FRMD4A: variants seen among roughly 807,000 people sequenced by gnomAD.
FRMD4A encodes the protein FERM domain containing 4A, also known as FERM domain-containing protein 4A.
FRMD4A carries 29 observed loss-of-function variants against 129.1 expected under a neutral mutation model. The ratio of observed to expected loss-of-function variants is 0.22; its 90% CI spans 0.17 to 0.31. The LOEUF is 0.31. Ranked by LOEUF, FRMD4A falls within the 10% of genes least tolerant of loss-of-function variation. The pLI is 1.00. For missense variants in FRMD4A, 1,272 were observed against 1,375.8 expected (o/e 0.92, Z 1.19); for synonymous variants, 634 against 571.6 (o/e 1.11, Z -1.56).
intron 2 of FRMD4A, among the ~76,000 whole-genome samples, chr10:13,915,618 G>C (rs901161720): frequency 3.3e-5 from 5 of 150,884 alleles, no homozygotes; most frequent in African/African-American, 1.2e-4. Context: ...CTTGCAGTGA[G>C]CCGAGATCAC....
chr10:14,141,016 C>A (rs904897157), intron 2 of FRMD4A, among the ~76,000 whole-genome samples: 2 of 152,032 alleles, frequency 1.3e-5, no homozygotes, highest in African/African-American at 4.8e-5. Flanking sequence ...CTAGGGACAC[C>A]ACCCAGGGAG....
chr10:14,289,908 A>T (rs2132073490), intron 2 of FRMD4A, among the ~76,000 whole-genome samples: 1 of 152,210 alleles, frequency 6.6e-6, no homozygotes, highest in East Asian at 1.9e-4. Flanking sequence ...TAAATGCATA[A>T]AGTTGCAAGA....
At chr10:13,778,254 C>T (rs112587462) in intron 6 of FRMD4A, among the ~76,000 whole-genome samples, 12 of 152,164 alleles carry the variant, frequency 7.9e-5, no homozygotes, top group African/African-American at 2.9e-4. Context: ...AAACCTGATA[C>T]TCTTACAATC....
At chr10:13,924,251 G>A (rs7895760) in intron 2 of FRMD4A, among the ~76,000 whole-genome samples, 1,567 of 152,186 alleles carry the variant, frequency 0.01, 26 homozygotes, top group African/African-American at 0.036. Flanking sequence ...CTTTAAAATC[G>A]TAAGCCAGAT....
intron 2 of FRMD4A, among the ~76,000 whole-genome samples, chr10:14,206,052 C>T (rs901492612): frequency 6.6e-6 from 1 of 152,144 alleles, no homozygotes; most frequent in Non-Finnish European, 1.5e-5. Flanking sequence ...TTCCCATGGG[C>T]CAGCCCCCTT....
rs1158138804 is a variant in FRMD4A, at chr10:13,656,860, C to G, written c.2729G>C (p.Gly910Ala). ...GCCCTTGTCGTGGGCGCCCTCGCGG[C>G]CCAGCGACGGAGTCCGCAGGATCTG... ...RSQILRTPSL[G>A]REGAHDKGAG... is the part of the protein sequence containing the mutation. Residue 910 changes from glycine to alanine, a missense_variant, in exon 22 of 25, where the codon GGC (glycine) becomes GCC (alanine). Coordinates refer to ENST00000357447, the MANE Select transcript of FRMD4A (RefSeq NM_018027.5). 2.7e-6 allele frequency: 4 copies of G among 1,491,832 alleles called. No homozygotes were observed. The highest frequency in any genetic ancestry group is 3.6e-6 in the Non-Finnish European group (4 of 1,124,702). 92.4% of individuals were successfully genotyped at this position (1,491,832 alleles called of 1,614,324 possible). A position where few individuals can be genotyped will look rare whatever the true frequency, so the allele number is the denominator to read the frequency against.
intron 2 of FRMD4A, among the ~76,000 whole-genome samples, chr10:13,978,551 G>T (rs558012190): frequency 6.6e-6 from 1 of 152,244 alleles, no homozygotes; most frequent in South Asian, 2.1e-4. Flanking sequence ...ACGGCTAACT[G>T]AGTGGGTGAT....
At chr10:14,247,257 C>G (rs1844275626) in intron 2 of FRMD4A, among the ~76,000 whole-genome samples, 1 of 152,134 alleles carries the variant, frequency 6.6e-6, no homozygotes, top group African/African-American at 2.4e-5. Flanking sequence ...AGTTTGCCAT[C>G]TACACAACTA....
intron 2 of FRMD4A, among the ~76,000 whole-genome samples, chr10:13,994,470 C>G (rs1039276463): frequency 6.6e-6 from 1 of 152,022 alleles, no homozygotes; most frequent in Non-Finnish European, 1.5e-5. Context: ...AGCCACCATG[C>G]CTGGCTAATG....
intron 2 of FRMD4A, among the ~76,000 whole-genome samples, chr10:14,153,112 C>G (rs570127936): frequency 6.6e-6 from 1 of 152,294 alleles, no homozygotes; most frequent in East Asian, 1.9e-4. Flanking sequence ...GCAGGGACAA[C>G]AATGTATTGC....
intron 4 of FRMD4A, among the ~76,000 whole-genome samples, chr10:13,805,333 T>A (rs1166633280): frequency 4.6e-5 from 7 of 152,020 alleles, no homozygotes; most frequent in Non-Finnish European, 1.0e-4. Flanking sequence ...TATGTGAAAA[T>A]AAATTCTAAC....
chr10:13,645,185 G>C lies in FRMD4A; in HGVS notation c.*1853C>G, dbSNP rs114270286. 6.6e-6 allele frequency: 1 copy of C among 152,188 alleles called. No individual in the cohort carries two copies. The highest frequency in any genetic ancestry group is 1.5e-5 in the Non-Finnish European group (1 of 68,034). The allele number at this position is 152,188 out of a possible 1,614,324, so 9.4% of individuals were successfully genotyped here. On this transcript the variant is annotated 3_prime_UTR_variant, in exon 25 of 25. Transcript: ENST00000357447. Reference sequence around the variant, plus strand: ...ATCCTTACCCTTCTGGTCTGGTAGAGCCTATGGTTATTCTTGGATTCCACA... The same window carrying C: ...ATCCTTACCCTTCTGGTCTGGTAGACCCTATGGTTATTCTTGGATTCCACA...
chr10:13,958,773 T>G (rs1353152239), intron 2 of FRMD4A, among the ~76,000 whole-genome samples: 1 of 151,418 alleles, frequency 6.6e-6, no homozygotes, highest in Non-Finnish European at 1.5e-5. Flanking sequence ...TTAGTAGAGA[T>G]AGGGTTTCTC....
intron 2 of FRMD4A, among the ~76,000 whole-genome samples, chr10:14,045,951 A>G (rs1159714004): frequency 6.7e-6 from 1 of 148,558 alleles, no homozygotes; most frequent in Non-Finnish European, 1.5e-5. Flanking sequence ...AATTTTATAC[A>G]TATGTATTCA....
chr10:13,911,508 T>G (rs563105470), intron 2 of FRMD4A, among the ~76,000 whole-genome samples: 11 of 152,314 alleles, frequency 7.2e-5, no homozygotes, highest in African/African-American at 2.6e-4. Flanking sequence ...TTTTGACATT[T>G]TCACCTGCAG....
intron 14 of FRMD4A, among the ~76,000 whole-genome samples, chr10:13,697,170 T>TTTC (rs1402697021): frequency 6.6e-6 from 1 of 150,732 alleles, no homozygotes; most frequent in Non-Finnish European, 1.5e-5. Flanking sequence ...TTTTTTTTTT[T>TTTC]TGAGACAGAG....
intron 2 of FRMD4A, among the ~76,000 whole-genome samples, chr10:14,225,626 G>C (rs1843408729): frequency 1.3e-5 from 2 of 152,228 alleles, no homozygotes; most frequent in South Asian, 4.1e-4. Flanking sequence ...CCTCCCGATT[G>C]TGAGGAACAC....
chr10:13,972,058 C>G (rs2095521889), intron 2 of FRMD4A: 1 of 1,149,800 alleles, frequency 8.7e-7, no homozygotes, highest in East Asian at 6.0e-5. Flanking sequence ...CTCCTTGTCT[C>G]TGGGGACTCA....
At chr10:13,653,093 T>C (rs939835591) in intron 23 of FRMD4A, 1 of 151,888 alleles carries the variant, frequency 6.6e-6, no homozygotes, top group East Asian at 1.9e-4. Flanking sequence ...GAGGATTGTA[T>C]GAGCTCATGT....
Sources: gnomAD v4.1 joint callset for allele counts (sites outside exome capture counted in the v4.1 genomes callset) on GRCh38, gnomAD v4.1.1 for gene constraint, MANE v1.5 for transcripts, NCBI Gene and HGNC (gene_info 2026-07-23, HGNC 2026-07-21) for gene names.